The following BMP6 variants were observed in gnomAD, a reference collection of about 807,000 sequenced individuals.
The protein encoded by BMP6 is VG-1-R.
Under a neutral mutation model 54.1 loss-of-function variants are expected in BMP6, and 17 were observed. That is an observed-to-expected ratio of 0.31 (90% confidence interval 0.22 to 0.47). The LOEUF (loss-of-function observed/expected upper bound fraction) is 0.47, where lower values mean the gene tolerates loss of function less well. Ranked by LOEUF, BMP6 falls within the 20% of genes least tolerant of loss-of-function variation. BMP6 has a pLI of 1.00. For synonymous variants in BMP6, 328 were observed against 291.2 expected (o/e 1.13, Z -1.28); for missense variants, 720 against 690.4 (o/e 1.04, Z -0.48).
intron 4 of BMP6, among the ~76,000 whole-genome samples, chr6:7,869,411 A>G (rs1759484499): frequency 6.6e-6 from 1 of 152,228 alleles, no homozygotes; most frequent in Non-Finnish European, 1.5e-5. Context: ...ATTAACCCAG[A>G]TGTTATGCTT....
At chr6:7,789,010 A>C (rs1758056671) in intron 1 of BMP6, among the ~76,000 whole-genome samples, 1 of 152,156 alleles carries the variant, frequency 6.6e-6, no homozygotes, top group African/African-American at 2.4e-5. Context: ...GTTGACAACT[A>C]ATTGTATGTG....
At chr6:7,766,992 GT>G (rs10557470) in intron 1 of BMP6, among the ~76,000 whole-genome samples, 16,082 of 140,416 alleles carry the variant, frequency 0.11, 863 homozygotes, top group Admixed American at 0.15. Context: ...TAGTTTGTTT[GT>G]TTTTTTTTTT....
chr6:7,833,704 G>A (rs35417057), intron 1 of BMP6, among the ~76,000 whole-genome samples: 9,063 of 152,128 alleles, frequency 0.06, 439 homozygotes, highest in African/African-American at 0.13. Context: ...CTACCTTCTG[G>A]GACTGTTCTG....
At position 7,863,571 on chromosome 6, in the gene BMP6, T is replaced by C. The variant is rs1759370689; in HGVS notation, c.1204+1073T>C. 2.0e-5 allele frequency among the ~76,000 whole-genome samples: 3 copies of C among 152,114 alleles called. No individual in the cohort carries two copies. The South Asian group carries it at 6.3e-4, about 32-fold the overall frequency. ...CTCCAACCTGAAGCACACTGCTGGGTGGGGAGTGCTCTGATTGGCCAGACC... is the reference window on the plus strand; with the variant it reads ...CTCCAACCTGAAGCACACTGCTGGGCGGGGAGTGCTCTGATTGGCCAGACC... On this transcript the variant is annotated intron_variant, in intron 4 of 6. Transcript: ENST00000283147.
chr6:7,850,592 A>G (rs892931359), intron 2 of BMP6, among the ~76,000 whole-genome samples: 1 of 152,230 alleles, frequency 6.6e-6, no homozygotes, highest in Admixed American at 6.5e-5. Context: ...TAATTGTCCC[A>G]GGAGAGAAAA....
chr6:7,727,283 C>CAGG lies in BMP6; in HGVS notation c.334_336dup (p.Glu112dup), dbSNP rs781449388. On this transcript the variant is annotated inframe_insertion, in exon 1 of 7. Transcript: ENST00000283147. ...GCCGCAGCCCCCGGCGCTCCGGCAG[C>CAGG]AGGAGGAGCAGCAGCAGCAGCAGCA... The CAGG allele has an allele frequency of 3.7e-6, 6 of 1,604,318 alleles. No homozygotes were observed. The highest frequency in any genetic ancestry group is 1.7e-4 in the Middle Eastern group (1 of 5,990).
chr6:7,761,141 C>T (rs1757606512), intron 1 of BMP6, among the ~76,000 whole-genome samples: 1 of 152,240 alleles, frequency 6.6e-6, no homozygotes, highest in African/African-American at 2.4e-5. Context: ...TTCTATGTCA[C>T]ATTTCTCCAA....
intron 1 of BMP6, among the ~76,000 whole-genome samples, chr6:7,823,609 A>AG (rs1306698293): frequency 6.6e-6 from 1 of 152,218 alleles, no homozygotes; most frequent in Non-Finnish European, 1.5e-5. Flanking sequence ...ACGCTGTGTT[A>AG]GGTGGGCAGG....
chr6:7,787,886 G>A, intron 1 of BMP6, among the ~76,000 whole-genome samples: 1 of 151,948 alleles, frequency 6.6e-6, no homozygotes, highest in East Asian at 1.9e-4. Context: ...CTGATAGGTG[G>A]GTTTGCATTT....
intron 2 of BMP6, among the ~76,000 whole-genome samples, chr6:7,847,720 A>G (rs1337757743): frequency 6.6e-6 from 1 of 152,164 alleles, no homozygotes; most frequent in Non-Finnish European, 1.5e-5. Context: ...ACAGTTAGGA[A>G]GCCTGACCCA....
At chr6:7,738,822 G>GAGCT (rs1413041358) in intron 1 of BMP6, among the ~76,000 whole-genome samples, 1 of 152,182 alleles carries the variant, frequency 6.6e-6, no homozygotes, top group Non-Finnish European at 1.5e-5. Flanking sequence ...AACACATTCT[G>GAGCT]AGCTACACTT....
chr6:7,750,712 A>C (rs1160342287), intron 1 of BMP6, among the ~76,000 whole-genome samples: 2 of 152,256 alleles, frequency 1.3e-5, no homozygotes, highest in East Asian at 1.9e-4. Flanking sequence ...TCTTAAAAAC[A>C]AAATGACCTT....
intron 1 of BMP6, among the ~76,000 whole-genome samples, chr6:7,730,373 A>G (rs1761830563): frequency 6.6e-6 from 1 of 152,210 alleles, no homozygotes; most frequent in South Asian, 2.1e-4. Context: ...CCAGGCCCCA[A>G]GACAGGCTGA....
chr6:7,739,006 A>G (rs1229314396), intron 1 of BMP6, among the ~76,000 whole-genome samples: 2 of 152,236 alleles, frequency 1.3e-5, no homozygotes, highest in East Asian at 1.9e-4. Flanking sequence ...TTCTTGGATC[A>G]GAGAACCATG....
At chr6:7,783,028 A>C (rs2113171579) in intron 1 of BMP6, among the ~76,000 whole-genome samples, 1 of 152,350 alleles carries the variant, frequency 6.6e-6, no homozygotes, top group South Asian at 2.1e-4. Flanking sequence ...CAAATAGGAA[A>C]GGGTCAGAGT....
At chr6:7,733,453 C>T (rs1404707210) in intron 1 of BMP6, among the ~76,000 whole-genome samples, 1 of 152,164 alleles carries the variant, frequency 6.6e-6, no homozygotes, top group Non-Finnish European at 1.5e-5. Context: ...TAGGAATAGA[C>T]AATTTACCAA....
intron 1 of BMP6, among the ~76,000 whole-genome samples, chr6:7,792,361 C>T (rs979913401): frequency 6.6e-6 from 1 of 152,188 alleles, no homozygotes; most frequent in East Asian, 1.9e-4. Flanking sequence ...CGTACCCTTG[C>T]TCAGTTGACA....
intron 1 of BMP6, among the ~76,000 whole-genome samples, chr6:7,776,764 C>T (rs551395494): frequency 1.3e-5 from 2 of 152,216 alleles, no homozygotes; most frequent in African/African-American, 2.4e-5. Context: ...AATTTTCCCA[C>T]GTCAGTGCCC....
chr6:7,798,905 G>A (rs567267371), intron 1 of BMP6, among the ~76,000 whole-genome samples: 11 of 152,342 alleles, frequency 7.2e-5, no homozygotes, highest in African/African-American at 2.6e-4. Context: ...GTGATACAGA[G>A]AAACTCGGAA....
Sources: gnomAD v4.1 joint callset for allele counts (sites outside exome capture counted in the v4.1 genomes callset) on GRCh38, gnomAD v4.1.1 for gene constraint, MANE v1.5 for transcripts, NCBI Gene and HGNC (gene_info 2026-07-23, HGNC 2026-07-21) for gene names.